The following ARPP19 variants were observed in gnomAD, a reference collection of about 807,000 sequenced individuals.
ARPP19 encodes the protein cAMP-regulated phosphoprotein 19.
Under a neutral mutation model 12.0 loss-of-function variants are expected in ARPP19, and 8 were observed. The ratio of observed to expected loss-of-function variants is 0.67; its 90% confidence interval spans 0.39 to 1.21. The LOEUF (loss-of-function observed/expected upper bound fraction) is 1.21, where lower values mean the gene tolerates loss of function less well. ARPP19 is among the 50% of genes most tolerant of loss of function. The pLI is 0.01. For missense variants in ARPP19, 102 were observed against 136.3 expected (o/e 0.75, Z 1.25); for synonymous variants, 47 against 50.4 (o/e 0.93, Z 0.29).
rs2077891670 is a variant in ARPP19 at position 52,547,794 on chromosome 15, A to G, written c.*4140T>C. The G allele has an allele frequency of 6.6e-6, 1 of 152,212 alleles. No individual in the cohort carries two copies. Among genetic ancestry groups the G allele is most frequent in the African/African-American group, 2.4e-5 (1 of 41,460 alleles). 9.4% of individuals were successfully genotyped at this position (152,212 alleles called of 1,614,324 possible). A position where few individuals can be genotyped will look rare whatever the true frequency, so the allele number is the denominator to read the frequency against. On this transcript the variant is annotated 3_prime_UTR_variant, in exon 3 of 3. Transcript: ENST00000249822. ...AATATTGATTAGGATATTGTTTTAG[A>G]AAATTTTAAATGTGTCCTAAATTGT... is the stretch of plus-strand genomic sequence containing the variant.
intron 1 of ARPP19, among the ~76,000 whole-genome samples, chr15:52,566,143 C>T (rs529215371): frequency 6.0e-5 from 9 of 150,644 alleles, no homozygotes; most frequent in African/African-American, 2.2e-4. Context: ...TGTGAGCCAC[C>T]GTGCCCGGCC....
At chr15:52,561,780 GA>G (rs55692281) in intron 1 of ARPP19, among the ~76,000 whole-genome samples, 116 of 141,082 alleles carry the variant, frequency 8.2e-4, no homozygotes, top group Non-Finnish European at 1.4e-3. Flanking sequence ...CTGGATTAAG[GA>G]AAAAAAAAAA....
At chr15:52,568,223 T>C (rs1034898231) in intron 1 of ARPP19, 5 of 152,266 alleles carry the variant, frequency 3.3e-5, no homozygotes, top group African/African-American at 1.2e-4. Context: ...TCAAGTACCA[T>C]ATTTGAGTCC....
At chr15:52,565,898 AGGCTAGAGTGCAGTG>A (rs1421643448) in intron 1 of ARPP19, among the ~76,000 whole-genome samples, 4 of 152,204 alleles carry the variant, frequency 2.6e-5, no homozygotes, top group African/African-American at 9.6e-5. Context: ...TCTGTTGCCC[AGGCTAGAGTGCAGTG>A]GCACGATCTC....
Position 52,564,883 on chromosome 15 carries a change from A to G in ARPP19, c.45+3965T>C, listed in dbSNP as rs1450352254. 3.9e-5 allele frequency among the ~76,000 whole-genome samples: 6 copies of G among 152,266 alleles called. No individual in the cohort carries two copies. The East Asian group carries it at 1.2e-3, about 29-fold the overall frequency. ...GCATTGTCATTTGTTTTGAAATAGT[A>G]CTTTGGCAAAGGTTTTAACAGAAAA... On this transcript the variant is annotated intron_variant, in intron 1 of 2. Coordinates refer to ENST00000249822, the MANE Select transcript of ARPP19 (RefSeq NM_006628.6).
chr15:52,562,477 CAA>C (rs2078043267), intron 1 of ARPP19, among the ~76,000 whole-genome samples: 1 of 152,024 alleles, frequency 6.6e-6, no homozygotes, highest in South Asian at 2.1e-4. Context: ...CCTACCCGGG[CAA>C]CACAGTAAGA....
At chr15:52,555,459 T>C (rs983068670) in intron 2 of ARPP19, among the ~76,000 whole-genome samples, 10 of 152,154 alleles carry the variant, frequency 6.6e-5, no homozygotes, top group African/African-American at 2.4e-4. Flanking sequence ...ATTTATCCCC[T>C]ATATTATGAT....
At chr15:52,566,044 G>A (rs1313994204) in intron 1 of ARPP19, among the ~76,000 whole-genome samples, 2 of 152,050 alleles carry the variant, frequency 1.3e-5, no homozygotes, top group Admixed American at 6.6e-5. Flanking sequence ...TTAGTAGAGA[G>A]GGGGTTTCCC....
intron 1 of ARPP19, among the ~76,000 whole-genome samples, chr15:52,564,653 G>A (rs1441935322): frequency 6.6e-6 from 1 of 152,028 alleles, no homozygotes; most frequent in African/African-American, 2.4e-5. Flanking sequence ...CAGCTTTCCT[G>A]TGGGTATCCT....
At chr15:52,564,333 A>C in intron 1 of ARPP19, 1 of 957,354 alleles carries the variant, frequency 1.0e-6, no homozygotes, top group Non-Finnish European at 1.6e-6. Context: ...GGCTAGGTGA[A>C]CCCAGGAGTT....
Position 52,550,467 on chromosome 15 carries a change from A to G in ARPP19, c.*1467T>C, listed in dbSNP as rs1296793235. 1.3e-5 allele frequency: 2 copies of G among 152,220 alleles called. No homozygotes were observed. The highest frequency in any genetic ancestry group is 2.9e-5 in the Non-Finnish European group (2 of 68,030). The allele number at this position is 152,220 out of a possible 1,614,324, so 9.4% of individuals were successfully genotyped here. A position where few individuals can be genotyped will look rare whatever the true frequency, so the allele number is the denominator to read the frequency against. On this transcript the variant is annotated 3_prime_UTR_variant, in exon 3 of 3. Coordinates refer to ENST00000249822, the MANE Select transcript of ARPP19 (RefSeq NM_006628.6). Reference sequence around the variant, plus strand: ...TTGAGCCAGTATTCCGAACCGTTTCATTATAAAGTTCCTTTTATTTAAACA... The same window carrying G: ...TTGAGCCAGTATTCCGAACCGTTTCGTTATAAAGTTCCTTTTATTTAAACA...
In ARPP19 at chr15:52,568,915, C is replaced by T. The variant is rs781429673; in HGVS notation, c.-23G>A. 2 of 1,558,152 alleles carry T rather than the reference C, an allele frequency of 1.3e-6. No homozygotes were observed. Among genetic ancestry groups the T allele is most frequent in the South Asian group, 1.2e-5 (1 of 86,300 alleles). Reference sequence around the variant, plus strand: ...CATAGTGCTCCCTCTGCAGACGAGACGCCGGGAAAAGATGCAATTAGCGGG... The same window carrying T: ...CATAGTGCTCCCTCTGCAGACGAGATGCCGGGAAAAGATGCAATTAGCGGG... On this transcript the variant is annotated 5_prime_UTR_variant, in exon 1 of 3. Transcript: ENST00000249822.
At chr15:52,562,985 C>T (rs946201316) in intron 1 of ARPP19, among the ~76,000 whole-genome samples, 1 of 151,122 alleles carries the variant, frequency 6.6e-6, no homozygotes, top group African/African-American at 2.4e-5. Flanking sequence ...AAGTGATTCT[C>T]CTGCCTCAGC....
At chr15:52,566,001 C>T (rs1176898127) in intron 1 of ARPP19, among the ~76,000 whole-genome samples, 8 of 151,992 alleles carry the variant, frequency 5.3e-5, no homozygotes, top group Middle Eastern at 3.4e-3. Flanking sequence ...ACTACAGGTG[C>T]GTGCCACCAC....
intron 1 of ARPP19, among the ~76,000 whole-genome samples, chr15:52,567,391 G>A (rs1237816434): frequency 1.3e-5 from 2 of 152,194 alleles, no homozygotes; most frequent in Admixed American, 6.5e-5. Context: ...CATACTAACA[G>A]AACTTATCAA....
chr15:52,560,184 T>C (rs1176627741), intron 1 of ARPP19, among the ~76,000 whole-genome samples: 1 of 148,272 alleles, frequency 6.7e-6, no homozygotes, highest in African/African-American at 2.5e-5. Flanking sequence ...TTTCTTTTTC[T>C]TTTTTTTTTG....
chr15:52,558,958 C>A (rs917616756), intron 1 of ARPP19, among the ~76,000 whole-genome samples: 1 of 152,102 alleles, frequency 6.6e-6, no homozygotes, highest in African/African-American at 2.4e-5. Flanking sequence ...ACCACCACAT[C>A]CAGCTCTCAT....
upstream of ARPP19, chr15:52,569,111 C>G (rs2078117942): frequency 3.7e-6 from 2 of 541,974 alleles, no homozygotes; most frequent in Admixed American, 8.6e-5. Context: ...CGCACCCCTA[C>G]CTACTTGACC....
At chr15:52,562,363 A>C (rs532279580) in intron 1 of ARPP19, among the ~76,000 whole-genome samples, 1 of 152,278 alleles carries the variant, frequency 6.6e-6, no homozygotes, top group South Asian at 2.1e-4. Flanking sequence ...AGTAACAACA[A>C]AAAAATTATA....
Sources: gnomAD v4.1 joint callset for allele counts (sites outside exome capture counted in the v4.1 genomes callset) on GRCh38, gnomAD v4.1.1 for gene constraint, MANE v1.5 for transcripts, NCBI Gene and HGNC (gene_info 2026-07-23, HGNC 2026-07-21) for gene names.